Variants in TMEM178B observed in about 807,000 individuals in gnomAD.
TMEM178B encodes the protein transmembrane protein 178B.
TMEM178B carries 5 observed loss-of-function variants against 31.0 expected under a neutral mutation model. The ratio of observed to expected loss-of-function variants is 0.16; its 90% CI spans 0.08 to 0.34. TMEM178B has a LOEUF of 0.34. Ranked by LOEUF, TMEM178B falls within the 10% of genes least tolerant of loss-of-function variation. The pLI is 1.00. For missense variants in TMEM178B, 275 were observed against 400.3 expected (o/e 0.69, Z 2.67); for synonymous variants, 164 against 164.0 (o/e 1.00, Z 0.00).
intron 2 of TMEM178B, among the ~76,000 whole-genome samples, chr7:141,425,585 C>A (rs773135943): frequency 6.6e-5 from 10 of 152,126 alleles, no homozygotes; most frequent in Non-Finnish European, 1.3e-4. Flanking sequence ...GGCTTAGCAG[C>A]GAGAAAGGGG....
intron 1 of TMEM178B, among the ~76,000 whole-genome samples, chr7:141,204,498 G>A (rs995933051): frequency 2.0e-5 from 3 of 152,178 alleles, no homozygotes; most frequent in South Asian, 4.1e-4. Context: ...AGCTTCAGCC[G>A]GAATCGGAGG....
intron 2 of TMEM178B, among the ~76,000 whole-genome samples, chr7:141,333,046 C>T (rs947365956): frequency 6.6e-6 from 1 of 152,220 alleles, no homozygotes; most frequent in South Asian, 2.1e-4. Context: ...ATCCTCTCTA[C>T]CCAGCCCCTT....
chr7:141,399,119 C>T (rs373740797), intron 2 of TMEM178B, among the ~76,000 whole-genome samples: 1 of 152,130 alleles, frequency 6.6e-6, no homozygotes, highest in African/African-American at 2.4e-5. Context: ...TAATTCTGAC[C>T]AGATTTATCT....
chr7:141,279,342 A>G (rs1798316327), intron 2 of TMEM178B, among the ~76,000 whole-genome samples: 1 of 152,190 alleles, frequency 6.6e-6, no homozygotes, highest in Non-Finnish European at 1.5e-5. Context: ...AATGTTCTTT[A>G]TTTTATGATA....
intron 2 of TMEM178B, among the ~76,000 whole-genome samples, chr7:141,390,201 A>G (rs1034531216): frequency 1.3e-5 from 2 of 152,178 alleles, no homozygotes; most frequent in Non-Finnish European, 1.5e-5. Flanking sequence ...TAAAAGGTAG[A>G]TCATACCTCT....
At chr7:141,459,437 G>A (rs915678049) in intron 3 of TMEM178B, among the ~76,000 whole-genome samples, 1 of 152,170 alleles carries the variant, frequency 6.6e-6, no homozygotes, top group Non-Finnish European at 1.5e-5. Context: ...ACACCACCAC[G>A]CCAGTTCTTG....
downstream of TMEM178B, among the ~76,000 whole-genome samples, chr7:141,482,594 AT>A (rs1345508129): frequency 5.3e-5 from 8 of 152,190 alleles, no homozygotes; most frequent in Admixed American, 4.6e-4. Context: ...CTGGTATTAA[AT>A]TCTTCTTTAG....
chr7:141,260,449 G>T (rs934414179), intron 2 of TMEM178B, among the ~76,000 whole-genome samples: 6 of 151,974 alleles, frequency 3.9e-5, no homozygotes, highest in Middle Eastern at 3.4e-3. Flanking sequence ...TTCTATCACC[G>T]TTTGTTGGGA....
chr7:141,454,416 C>T (rs1801923549), intron 3 of TMEM178B, among the ~76,000 whole-genome samples: 1 of 152,092 alleles, frequency 6.6e-6, no homozygotes, highest in Non-Finnish European at 1.5e-5. Flanking sequence ...CACGTGGGGC[C>T]CAGTACCCTT....
chr7:141,449,832 G>A (rs1414090322), intron 3 of TMEM178B, among the ~76,000 whole-genome samples: 1 of 152,230 alleles, frequency 6.6e-6, no homozygotes, highest in Non-Finnish European at 1.5e-5. Flanking sequence ...AGCCTGGCAA[G>A]CCTGAACAAT....
chr7:141,423,815 T>TG (rs1024398584), intron 2 of TMEM178B, among the ~76,000 whole-genome samples: 6 of 149,158 alleles, frequency 4.0e-5, no homozygotes, highest in African/African-American at 9.9e-5. Context: ...GTTTTTTTTT[T>TG]TTTTTTTTTT....
chr7:141,242,654 G>GC (rs1436126238), intron 2 of TMEM178B, among the ~76,000 whole-genome samples: 4 of 150,078 alleles, frequency 2.7e-5, no homozygotes, highest in Non-Finnish European at 5.9e-5. Context: ...TGATTCTCCT[G>GC]CCTCAGCTCC....
chr7:141,303,500 G>T (rs1453929183), intron 2 of TMEM178B, among the ~76,000 whole-genome samples: 1 of 152,202 alleles, frequency 6.6e-6, no homozygotes, highest in Admixed American at 6.5e-5. Context: ...ACCCTACAGA[G>T]ATGGCCTCCC....
At chr7:141,187,187 T>C (rs34424504) in intron 1 of TMEM178B, among the ~76,000 whole-genome samples, 107,035 of 145,130 alleles carry the variant, frequency 0.74, 40,024 homozygotes, top group African/African-American at 0.84. Context: ...TGAGAACATG[T>C]GGTGTTTGGT....
the TMEM178B span, among the ~76,000 whole-genome samples, chr7:141,509,637 A>G: frequency 6.6e-6 from 1 of 152,094 alleles, no homozygotes; most frequent in Non-Finnish European, 1.5e-5. Context: ...GCAACAAGAC[A>G]GAGATTCCTT....
In TMEM178B at chr7:141,293,099, C is replaced by A. The variant is rs564874977; in HGVS notation, c.496+80395C>A. 1.6e-4 allele frequency among the ~76,000 whole-genome samples: 25 copies of A among 152,248 alleles called. No homozygotes were observed. In the South Asian group the frequency reaches 5.2e-3, roughly 32 times the overall value. Reference sequence around the variant, plus strand: ...CCAGAGATTGTTCTATTTTTGGAGGCAAGACTAGGGAGAAACCAAATCACT... The same window carrying A: ...CCAGAGATTGTTCTATTTTTGGAGGAAAGACTAGGGAGAAACCAAATCACT... On this transcript the variant is annotated intron_variant, in intron 2 of 3. Coordinates refer to ENST00000565468, the MANE Select transcript of TMEM178B (RefSeq NM_001195278.2).
At chr7:141,266,592 T>C (rs568791391) in intron 2 of TMEM178B, among the ~76,000 whole-genome samples, 1 of 152,076 alleles carries the variant, frequency 6.6e-6, no homozygotes, top group East Asian at 1.9e-4. Context: ...TCTGTGAGAG[T>C]CTTCCGGTGG....
At chr7:141,164,225 T>C (rs1428228198) in intron 1 of TMEM178B, among the ~76,000 whole-genome samples, 2 of 152,198 alleles carry the variant, frequency 1.3e-5, no homozygotes, top group Non-Finnish European at 1.5e-5. Flanking sequence ...AATGTGAAAT[T>C]CACAAAATTA....
chr7:141,437,959 C>T (rs1801579574), intron 3 of TMEM178B, among the ~76,000 whole-genome samples: 1 of 152,194 alleles, frequency 6.6e-6, no homozygotes, highest in Non-Finnish European at 1.5e-5. Context: ...AGACACGGTC[C>T]TCACCTTTCG....
Sources: allele counts gnomAD v4.1 joint callset (sites outside exome capture counted in the v4.1 genomes callset), GRCh38; gene constraint gnomAD v4.1.1; transcripts MANE v1.5; gene names NCBI Gene and HGNC (gene_info 2026-07-23, HGNC 2026-07-21).